The following WDR17 variants were observed in gnomAD, a reference collection of about 807,000 sequenced individuals.
WDR17 encodes the protein WD repeat domain 17.
WDR17 carries 143 observed loss-of-function variants against 161.7 expected under a neutral mutation model. The ratio of observed to expected loss-of-function variants is 0.88; its 90% CI spans 0.77 to 1.02. The LOEUF (loss-of-function observed/expected upper bound fraction) is 1.02. WDR17 is among the 50% of genes least tolerant of loss of function. The pLI, the probability that WDR17 is intolerant of heterozygous loss-of-function variation, is 0.00. For missense variants in WDR17, 1,469 were observed against 1,520.9 expected, an observed-to-expected ratio of 0.97 and a Z score of 0.57; for synonymous variants, 517 against 515.6, an observed-to-expected ratio of 1.00 and a Z score of -0.04.
intron 1 of WDR17, among the ~76,000 whole-genome samples, chr4:176,110,503 G>A (rs546379824): frequency 6.6e-6 from 1 of 152,170 alleles, no homozygotes; most frequent in African/African-American, 2.4e-5. Flanking sequence ...CCTTTAAAAG[G>A]CATTTTTTGT....
Position 176,168,888 on chromosome 4 carries a change from T to C in WDR17, c.3102+105T>C. Reference sequence around the variant, plus strand: ...TGCATGCAGAGAAACAAATGTGTGGTCCCTTTGGGGTACCTACAAGTACAA... The same window carrying C: ...TGCATGCAGAGAAACAAATGTGTGGCCCCTTTGGGGTACCTACAAGTACAA... On this transcript the variant is annotated intron_variant, in intron 23 of 28. Coordinates refer to ENST00000508596, the MANE Select transcript of WDR17 (RefSeq NM_181265.4). 3 of 1,349,504 alleles carry C rather than the reference T, an allele frequency of 2.2e-6. No homozygotes were observed. In the South Asian group the frequency reaches 4.5e-5, roughly 20 times the overall value. 83.6% of individuals were successfully genotyped at this position (1,349,504 alleles called of 1,614,324 possible).
At chr4:176,173,136 T>C in intron 24 of WDR17, 131 bp from the exon 25 acceptor site, 1 of 565,222 alleles carries the variant, frequency 1.8e-6, no homozygotes, top group South Asian at 3.0e-5. Flanking sequence ...AATAGGAAAA[T>C]ACTTGTGATC....
rs367734406 is a variant in WDR17 at position 176,119,893 on chromosome 4, T to C, written c.334T>C (p.Trp112Arg). Residue 112 changes from tryptophan to arginine, a missense_variant, in exon 4 of 29, where the codon TGG (tryptophan) becomes CGG (arginine). Physicochemically the swap from Trp to Arg is moderately radical, Grantham distance 101. Coordinates refer to ENST00000508596, the MANE Select transcript of WDR17 (RefSeq NM_181265.4). ...GATCCCTGCTTCTCTTAGTTGGTGC[T>C]GGAATGCAGAGGATGTGGTGGCATT... is the stretch of plus-strand genomic sequence containing the variant. ...KGIPASLSWC[W>R]NAEDVVAFVS... The C allele has an allele frequency of 2.4e-5, 38 of 1,614,028 alleles. No homozygotes were observed. In the African/African-American group the frequency reaches 4.3e-4, roughly 18 times the overall value.
rs1279911501 is a variant in WDR17 at position 176,146,088 on chromosome 4, T to C, written c.1623T>C (p.His541=). 6.2e-7 allele frequency: 1 copy of C among 1,614,110 alleles called. No homozygotes were observed. Among genetic ancestry groups the C allele is most frequent in the Non-Finnish European group, 8.5e-7 (1 of 1,179,980 alleles). The change falls in exon 12 of 29, where the codon CAT becomes CAC. Residue 541 remains histidine, a synonymous_variant. Transcript: ENST00000508596. The stretch of plus-strand genomic sequence containing the variant: ...AACCATTGAAAGTATTTAGTGGGCA[T>C]ACAGCAAAAGTGTTTCATGTTAAAT... ...SDQPLKVFSG[H]TAKVFHVKWS...
At chr4:176,122,461 G>A (rs1741757076) in intron 4 of WDR17, among the ~76,000 whole-genome samples, 1 of 152,110 alleles carries the variant, frequency 6.6e-6, no homozygotes, top group Non-Finnish European at 1.5e-5. Flanking sequence ...GATTTATTTA[G>A]CAATTAATGT....
chr4:176,150,362 T>C, intron 15 of WDR17, 106 bp from the exon 16 acceptor site: 7 of 1,474,046 alleles, frequency 4.7e-6, no homozygotes, highest in Non-Finnish European at 6.3e-6. Context: ...GTTATTTTGT[T>C]AATTTTTAAA....
chr4:176,138,008 A>G (rs1009273603), intron 9 of WDR17, among the ~76,000 whole-genome samples: 1 of 151,540 alleles, frequency 6.6e-6, no homozygotes, highest in Non-Finnish European at 1.5e-5. Flanking sequence ...GGTGGATTAT[A>G]TAGTTTCTTA....
At chr4:176,129,396 T>A (rs1343591040) in intron 6 of WDR17, among the ~76,000 whole-genome samples, 2 of 152,126 alleles carry the variant, frequency 1.3e-5, no homozygotes, top group Non-Finnish European at 2.9e-5. Context: ...TATCATTCGT[T>A]GCCTCTGTAA....
At chr4:176,095,252 C>T (rs1038712166) in intron 1 of WDR17, among the ~76,000 whole-genome samples, 2 of 152,146 alleles carry the variant, frequency 1.3e-5, no homozygotes, top group Non-Finnish European at 2.9e-5. Flanking sequence ...TAGGCAGGAA[C>T]AAGGGGCTTT....
rs1347827136 is a variant in WDR17, at chr4:176,125,139, T to G, written c.574T>G (p.Ser192Ala). 1 of 1,614,120 alleles carries G rather than the reference T, an allele frequency of 6.2e-7. No homozygotes were observed. Among genetic ancestry groups the G allele is most frequent in the Admixed American group, 1.7e-5 (1 of 60,024 alleles). Residue 192 changes from serine to alanine, a missense_variant, in exon 5 of 29, where the codon TCT (serine) becomes GCT (alanine). Coordinates refer to ENST00000508596, the MANE Select transcript of WDR17 (RefSeq NM_181265.4). Reference sequence around the variant, plus strand: ...TCAGAAACATGTTTTGAGACCAGAATCTCTTGAAGGGACAGATGAAGAGGA... The same window carrying G: ...TCAGAAACATGTTTTGAGACCAGAAGCTCTTGAAGGGACAGATGAAGAGGA... ...KNQKHVLRPE[S>A]LEGTDEEDPV... is the part of the protein sequence containing the mutation.
At position 176,162,275 on chromosome 4, in the gene WDR17, T is replaced by A. The variant is rs999285039; in HGVS notation, c.2850+101T>A. The A allele has an allele frequency of 4.0e-6, 4 of 1,008,520 alleles. No homozygotes were observed. In the African/African-American group the frequency reaches 6.5e-5, roughly 16 times the overall value. The allele number at this position is 1,008,520 out of a possible 1,614,324, so 62.5% of individuals were successfully genotyped here. On this transcript the variant is annotated intron_variant, in intron 21 of 28. Transcript: ENST00000508596. ...GGTGACTTTCTATGTGAGATCTGGTTTTGCATGTCTTCGAAGCCTGAGTAA... is the reference window on the plus strand; with the variant it reads ...GGTGACTTTCTATGTGAGATCTGGTATTGCATGTCTTCGAAGCCTGAGTAA...
At chr4:176,096,160 G>A (rs1367164142) in intron 1 of WDR17, among the ~76,000 whole-genome samples, 1 of 151,874 alleles carries the variant, frequency 6.6e-6, no homozygotes, top group African/African-American at 2.4e-5. Flanking sequence ...TGATTTTTAT[G>A]GATACCTTAT....
intron 1 of WDR17, among the ~76,000 whole-genome samples, chr4:176,079,530 A>G (rs1300210348): frequency 6.6e-6 from 1 of 152,156 alleles, no homozygotes; most frequent in Non-Finnish European, 1.5e-5. Flanking sequence ...TAAAATGTCA[A>G]CATACACATA....
At chr4:176,105,879 G>T (rs1240168123) in intron 1 of WDR17, among the ~76,000 whole-genome samples, 1 of 150,126 alleles carries the variant, frequency 6.7e-6, no homozygotes, top group Non-Finnish European at 1.5e-5. Flanking sequence ...ATGAAGTAGA[G>T]AATAGAAAAA....
intron 1 of WDR17, among the ~76,000 whole-genome samples, chr4:176,098,809 AT>A (rs1737323613): frequency 6.6e-6 from 1 of 151,958 alleles, no homozygotes. Context: ...ATTTTAAAAA[AT>A]ATCTATTTTT....
chr4:176,137,959 A>G (rs905375156), intron 9 of WDR17, among the ~76,000 whole-genome samples: 1 of 151,636 alleles, frequency 6.6e-6, no homozygotes, highest in South Asian at 2.1e-4. Context: ...GAATCACTTT[A>G]TTGCCCTAAA....
intron 5 of WDR17, among the ~76,000 whole-genome samples, chr4:176,126,601 G>A (rs559719513): frequency 2.0e-5 from 3 of 152,272 alleles, no homozygotes; most frequent in Admixed American, 2.0e-4. Context: ...AGCAAAACCT[G>A]ACTTTGCAGT....
intron 21 of WDR17, among the ~76,000 whole-genome samples, chr4:176,162,483 G>A (rs988217147): frequency 5.3e-5 from 8 of 152,112 alleles, no homozygotes; most frequent in Non-Finnish European, 1.0e-4. Context: ...ATCACTGGAC[G>A]TAGACACAAA....
chr4:176,090,931 T>C lies in WDR17; in HGVS notation c.-6-20644T>C, dbSNP rs567191847. Among the ~76,000 whole-genome samples the C allele has an allele frequency of 1.3e-4, 20 of 152,340 alleles. No individual in the cohort carries two copies. The East Asian group carries it at 2.1e-3, about 16-fold the overall frequency. Reference sequence around the variant, plus strand: ...CTGCAGCAGGAGCATGTCCTTAAGGTACAGATTGCTCATGCTGTTGTTTGT... The same window carrying C: ...CTGCAGCAGGAGCATGTCCTTAAGGCACAGATTGCTCATGCTGTTGTTTGT... On this transcript the variant is annotated intron_variant, in intron 1 of 28. Coordinates refer to ENST00000508596, the MANE Select transcript of WDR17 (RefSeq NM_181265.4).
Sources: allele counts gnomAD v4.1 joint callset (sites outside exome capture counted in the v4.1 genomes callset), GRCh38; gene constraint gnomAD v4.1.1; transcripts MANE v1.5; gene names NCBI Gene and HGNC (gene_info 2026-07-23, HGNC 2026-07-21).